HTR1D: variants seen among roughly 807,000 people sequenced by gnomAD.
HTR1D encodes 5-HT-1D.
A neutral mutation model predicts 21.1 loss-of-function variants in HTR1D; 18 were observed. The ratio of observed to expected loss-of-function variants is 0.85; its 90% CI spans 0.59 to 1.27. The LOEUF (loss-of-function observed/expected upper bound fraction) is 1.27. Among genes scored for constraint, HTR1D ranks in the 50% most tolerant of loss-of-function variants. The pLI is 0.00. For missense variants in HTR1D, 456 were observed against 481.4 expected (o/e 0.95, Z 0.49); for synonymous variants, 196 against 204.4 (o/e 0.96, Z 0.35).
At chr1:23,201,270 G>A (rs1644708323) in intron 1 of HTR1D, among the ~76,000 whole-genome samples, 1 of 152,148 alleles carries the variant, frequency 6.6e-6, no homozygotes, top group Admixed American at 6.5e-5. Flanking sequence ...AAGGTTTTGG[G>A]GGAATAGAAA....
intron 1 of HTR1D, among the ~76,000 whole-genome samples, chr1:23,200,400 G>A (rs1644705103): frequency 6.6e-6 from 1 of 152,174 alleles, no homozygotes; most frequent in South Asian, 2.1e-4. Flanking sequence ...GTGGCCACTG[G>A]GCAAATCACT....
At chr1:23,206,532 G>C (rs1644731685) in intron 1 of HTR1D, among the ~76,000 whole-genome samples, 1 of 152,222 alleles carries the variant, frequency 6.6e-6, no homozygotes, top group South Asian at 2.1e-4. Flanking sequence ...AGACCTGCCT[G>C]TTCTTCTGCC....
At chr1:23,206,511 T>A (rs1569763605) in intron 1 of HTR1D, among the ~76,000 whole-genome samples, 1 of 152,274 alleles carries the variant, frequency 6.6e-6, no homozygotes, top group Non-Finnish European at 1.5e-5. Context: ...AACTGCATAC[T>A]CCAGCAGCAC....
chr1:23,201,257 A>G (rs1010641329), intron 1 of HTR1D, among the ~76,000 whole-genome samples: 1 of 152,196 alleles, frequency 6.6e-6, no homozygotes, highest in Non-Finnish European at 1.5e-5. Context: ...ACCAAAGCCA[A>G]GGAAGGTTTT....
chr1:23,209,553 G>A (rs940739202), intron 1 of HTR1D, among the ~76,000 whole-genome samples: 3 of 152,132 alleles, frequency 2.0e-5, no homozygotes, highest in Non-Finnish European at 2.9e-5. Context: ...GGCCCCAGTA[G>A]TAAAGTAGTG....
Sources: allele counts gnomAD v4.1 joint callset (sites outside exome capture counted in the v4.1 genomes callset), GRCh38; gene constraint gnomAD v4.1.1; transcripts MANE v1.5; gene names NCBI Gene and HGNC (gene_info 2026-07-23, HGNC 2026-07-21).